LRMDA: variants seen among roughly 807,000 people sequenced by gnomAD.
LRMDA encodes leucine-rich melanocyte differentiation-associated protein.
A neutral mutation model predicts 29.8 loss-of-function variants in LRMDA; 18 were observed. The ratio of observed to expected loss-of-function variants is 0.60; its 90% CI spans 0.42 to 0.90. The LOEUF (loss-of-function observed/expected upper bound fraction) is 0.90, where lower values mean the gene tolerates loss of function less well. Ranked by LOEUF, LRMDA falls within the 40% of genes least tolerant of loss-of-function variation. The pLI is 0.00. For missense variants in LRMDA, 273 were observed against 273.9 expected (o/e 1.00, Z 0.02); for synonymous variants, 125 against 109.4 (o/e 1.14, Z -0.89).
At chr10:75,903,915 G>C (rs1359460229) in intron 2 of LRMDA, among the ~76,000 whole-genome samples, 1 of 152,162 alleles carries the variant, frequency 6.6e-6, no homozygotes, top group East Asian at 1.9e-4. Context: ...CAGCTTCTTC[G>C]CAAATGAAAT....
chr10:75,695,628 G>C (rs1299265355), intron 2 of LRMDA, among the ~76,000 whole-genome samples: 1 of 152,030 alleles, frequency 6.6e-6, no homozygotes, highest in African/African-American at 2.4e-5. Context: ...CCCATTCAGA[G>C]TCCAGGCAGG....
At chr10:75,743,203 G>GA (rs146569190) in intron 2 of LRMDA, among the ~76,000 whole-genome samples, 8,335 of 151,942 alleles carry the variant, frequency 0.055, 669 homozygotes, top group African/African-American at 0.18. Flanking sequence ...CTTTGTGGAA[G>GA]AAAAAAAACT....
chr10:76,178,795 G>C (rs1238346720), intron 5 of LRMDA, among the ~76,000 whole-genome samples: 1 of 152,236 alleles, frequency 6.6e-6, no homozygotes, highest in Non-Finnish European at 1.5e-5. Flanking sequence ...TCAAGTGGCA[G>C]CTTGTTCCTT....
chr10:76,318,746 G>A (rs1840731637), intron 5 of LRMDA: 1 of 152,228 alleles, frequency 6.6e-6, no homozygotes, highest in Non-Finnish European at 1.5e-5. Context: ...TTGCTTTACT[G>A]AAAGGCATGG....
Position 75,509,247 on chromosome 10 carries a change from T to C in LRMDA, c.131+70753T>C, listed in dbSNP as rs1381665264. The stretch of plus-strand genomic sequence containing the variant: ...GTCTGGGAGCAGAAACCCACGTGGC[T>C]AGAGAGGTCGAATGGGCTGTGTATA... On this transcript the variant is annotated intron_variant, in intron 2 of 6. Transcript: ENST00000611255. Among the ~76,000 whole-genome samples the C allele has an allele frequency of 3.9e-5, 6 of 152,050 alleles. No homozygotes were observed. In the East Asian group the frequency reaches 1.2e-3, roughly 29 times the overall value.
At chr10:76,449,042 G>A (rs994166612) in intron 6 of LRMDA, among the ~76,000 whole-genome samples, 2 of 151,924 alleles carry the variant, frequency 1.3e-5, no homozygotes, top group African/African-American at 4.8e-5. Flanking sequence ...TGAAGTTTGA[G>A]AATACAGTTT....
chr10:76,378,034 ATTTG>A (rs779797039), intron 6 of LRMDA, among the ~76,000 whole-genome samples: 1 of 151,434 alleles, frequency 6.6e-6, no homozygotes, highest in Non-Finnish European at 1.5e-5. Flanking sequence ...TGTTTTTTCT[ATTTG>A]TTTGTGTCAT....
At chr10:75,863,197 C>T (rs777018566) in intron 2 of LRMDA, among the ~76,000 whole-genome samples, 10 of 152,088 alleles carry the variant, frequency 6.6e-5, no homozygotes, top group South Asian at 6.2e-4. Context: ...GGTTGTGCAT[C>T]GCTTTACAGT....
At chr10:75,700,517 G>C (rs897955484) in intron 2 of LRMDA, among the ~76,000 whole-genome samples, 3 of 150,326 alleles carry the variant, frequency 2.0e-5, no homozygotes, top group African/African-American at 7.4e-5. Context: ...CTCACTGCAA[G>C]CTCCACCTCC....
chr10:76,095,529 G>A (rs550675266), intron 5 of LRMDA, among the ~76,000 whole-genome samples: 5 of 152,318 alleles, frequency 3.3e-5, no homozygotes, highest in East Asian at 1.9e-4. Context: ...GCTAAGTCTC[G>A]TGATACATGT....
intron 2 of LRMDA, among the ~76,000 whole-genome samples, chr10:75,850,534 C>T (rs1019533162): frequency 7.9e-5 from 12 of 152,154 alleles, no homozygotes; most frequent in African/African-American, 2.9e-4. Context: ...TTTTCTGTTG[C>T]TCATATAACA....
intron 2 of LRMDA, among the ~76,000 whole-genome samples, chr10:75,543,836 A>C (rs1840047249): frequency 6.6e-6 from 1 of 152,124 alleles, no homozygotes; most frequent in African/African-American, 2.4e-5. Flanking sequence ...TTGTCTATGA[A>C]ACATGACAGT....
intron 6 of LRMDA, among the ~76,000 whole-genome samples, chr10:76,393,527 A>T (rs535520207): frequency 6.6e-6 from 1 of 152,088 alleles, no homozygotes; most frequent in Admixed American, 6.5e-5. Flanking sequence ...CTTAATAATG[A>T]GTTGTTTGAG....
chr10:76,507,695 T>C (rs181173640), intron 6 of LRMDA, among the ~76,000 whole-genome samples: 361 of 152,268 alleles, frequency 2.4e-3, no homozygotes, highest in African/African-American at 8.4e-3. Context: ...AGGGGTCTAA[T>C]TTTATTGTTC....
intron 5 of LRMDA, among the ~76,000 whole-genome samples, chr10:76,145,226 C>T (rs934508869): frequency 6.6e-6 from 1 of 152,100 alleles, no homozygotes; most frequent in Non-Finnish European, 1.5e-5. Context: ...GGGAGGATTC[C>T]CTCTTTTTCT....
intron 3 of LRMDA, among the ~76,000 whole-genome samples, chr10:76,040,028 A>G (rs1454904129): frequency 6.6e-6 from 1 of 152,170 alleles, no homozygotes; most frequent in African/African-American, 2.4e-5. Context: ...CTGTTGGTGA[A>G]TAATTACTCT....
chr10:75,484,315 G>A (rs1172420870), intron 2 of LRMDA, among the ~76,000 whole-genome samples: 1 of 151,992 alleles, frequency 6.6e-6, no homozygotes, highest in Non-Finnish European at 1.5e-5. Flanking sequence ...TAATATTGAG[G>A]TACTTATAAA....
At position 76,158,607 on chromosome 10, in the gene LRMDA, T is replaced by C. The variant is rs537421631; in HGVS notation, c.516+99824T>C. On this transcript the variant is annotated intron_variant, in intron 5 of 6. Coordinates refer to ENST00000611255, the MANE Select transcript of LRMDA (RefSeq NM_001305581.2). Reference sequence around the variant, plus strand: ...AAAATCAGTAACATATCACTAACAATATTACTAAAGATGCAACCATTAGAT... The same window carrying C: ...AAAATCAGTAACATATCACTAACAACATTACTAAAGATGCAACCATTAGAT... 3.9e-5 allele frequency among the ~76,000 whole-genome samples: 6 copies of C among 152,264 alleles called. No individual in the cohort carries two copies. The South Asian group carries it at 1.2e-3, about 32-fold the overall frequency.
chr10:75,779,822 A>ACC (rs11395175), intron 2 of LRMDA, among the ~76,000 whole-genome samples: 5 of 151,450 alleles, frequency 3.3e-5, no homozygotes, highest in African/African-American at 1.2e-4. Flanking sequence ...TTGAATAGTG[A>ACC]CCCCCCCAGC....
Sources: allele counts gnomAD v4.1 joint callset (sites outside exome capture counted in the v4.1 genomes callset), GRCh38; gene constraint gnomAD v4.1.1; transcripts MANE v1.5; gene names NCBI Gene and HGNC (gene_info 2026-07-23, HGNC 2026-07-21).